The following OBI1 variants were observed in gnomAD, a reference collection of about 807,000 sequenced individuals.
OBI1 encodes the protein ORC ubiquitin ligase 1.
OBI1 carries 59 observed loss-of-function variants against 62.4 expected under a neutral mutation model. That is an observed-to-expected ratio of 0.95 (90% confidence interval 0.77 to 1.17). OBI1 has a LOEUF of 1.17. OBI1 is among the 50% of genes most tolerant of loss of function. OBI1 has a pLI of 0.00. For missense variants in OBI1, 875 were observed against 830.9 expected (o/e 1.05, Z -0.65); for synonymous variants, 302 against 292.8 (o/e 1.03, Z -0.32).
Position 78,638,936 on chromosome 13 carries a change from T to C in OBI1, c.436A>G (p.Thr146Ala). 17 of 1,614,054 alleles carry C rather than the reference T, an allele frequency of 1.1e-5. No individual in the cohort carries two copies. The highest frequency in any genetic ancestry group is 1.4e-5 in the Non-Finnish European group (17 of 1,179,964). Reference sequence around the variant, plus strand: ...GGGTTAATTTTACTTGGATTATCTGTGACTAGATGTTTGTCTTCATTTTGG... The same window carrying C: ...GGGTTAATTTTACTTGGATTATCTGCGACTAGATGTTTGTCTTCATTTTGG... ...GNQNEDKHLV[T>A]DNPSKINPET... is the part of the protein sequence containing the mutation. Residue 146 changes from threonine (T) to alanine (A), a missense_variant, in exon 4 of 6, where the codon ACA becomes GCA. By Grantham distance (58) the Thr-to-Ala change is moderately conservative. Coordinates refer to ENST00000282003, the MANE Select transcript of OBI1 (RefSeq NM_024546.4).
intron 5 of OBI1, among the ~76,000 whole-genome samples, chr13:78,629,277 A>G (rs1431217594): frequency 6.6e-6 from 1 of 152,112 alleles, no homozygotes; most frequent in Non-Finnish European, 1.5e-5. Context: ...CTAAAGACAC[A>G]ATGACAGAAC....
chr13:78,617,773 C>G (rs1405663959), intron 5 of OBI1, among the ~76,000 whole-genome samples: 1 of 152,036 alleles, frequency 6.6e-6, no homozygotes, highest in Non-Finnish European at 1.5e-5. Context: ...TGTGGGACAT[C>G]TATCTCATTT....
At position 78,616,841 on chromosome 13, in the gene OBI1, G is replaced by C; in HGVS notation, c.920C>G (p.Ser307Cys). The C allele has an allele frequency of 6.2e-7, 1 of 1,614,184 alleles. No homozygotes were observed. Among genetic ancestry groups the C allele is most frequent in the Non-Finnish European group, 8.5e-7 (1 of 1,180,022 alleles). Residue 307 changes from serine (S) to cysteine (C), a missense_variant, in exon 6 of 6, where the codon TCC (serine) becomes TGC (cysteine). By Grantham distance (112) the Ser-to-Cys change is moderately radical. Coordinates refer to ENST00000282003, the MANE Select transcript of OBI1 (RefSeq NM_024546.4). ...SARKQPGSSTSSSSHLAKPSS... is the reference protein window; with the variant it reads ...SARKQPGSSTCSSSHLAKPSS... The stretch of plus-strand genomic sequence containing the variant: ...AGGCTTCGCTAGGTGAGAAGAACTG[G>C]AGGTGGATGAGCCAGGCTGCTTTCT...
chr13:78,636,260 G>T (rs968409480), intron 4 of OBI1, among the ~76,000 whole-genome samples: 1 of 152,104 alleles, frequency 6.6e-6, no homozygotes, highest in African/African-American at 2.4e-5. Flanking sequence ...AGTCTTCTTA[G>T]AAGCTACTTC....
At position 78,616,218 on chromosome 13, in the gene OBI1, G is replaced by A. The variant is rs777642340; in HGVS notation, c.1543C>T (p.Arg515Cys). ...LCLSKRLNSI[R>C]SFEMNRTRTS... ...CTTGTCCGGTTCATTTCAAAAGAGC[G>A]AATAGAATTCAACCTTTTGGATAAA... The change falls in exon 6 of 6, where the codon CGC (arginine) becomes TGC (cysteine). Residue 515 changes from arginine (R) to cysteine (C), a missense_variant. Arg to Cys is a radical substitution (Grantham distance 180). Transcript: ENST00000282003. 5.6e-6 allele frequency: 9 copies of A among 1,613,850 alleles called. No homozygotes were observed. Among genetic ancestry groups the A allele is most frequent in the Admixed American group, 1.7e-5 (1 of 59,984 alleles).
In OBI1 at chr13:78,616,299, T is replaced by C. The variant is rs543232979; in HGVS notation, c.1462A>G (p.Ile488Val). The C allele has an allele frequency of 4.3e-6, 7 of 1,614,086 alleles. No homozygotes were observed. In the South Asian group the frequency reaches 5.5e-5, roughly 13 times the overall value. ...GATATTTCTCCAACAGAATTTGCTA[T>C]CGTGTTCCCCTCTGAACTTTCAAAA... ...LDFESSEGNT[I>V]ANSVGEISSK... is the part of the protein sequence containing the mutation. The change falls in exon 6 of 6, where the codon ATA becomes GTA. Residue 488 changes from isoleucine to valine, a missense_variant. Physicochemically the swap from Ile to Val is conservative, Grantham distance 29. Transcript: ENST00000282003.
intron 5 of OBI1, among the ~76,000 whole-genome samples, chr13:78,622,399 G>A (rs901246481): frequency 6.6e-6 from 1 of 152,186 alleles, no homozygotes; most frequent in Non-Finnish European, 1.5e-5. Context: ...GCTTCATAAA[G>A]TAATGGTTGA....
intron 1 of OBI1, among the ~76,000 whole-genome samples, chr13:78,646,484 C>T (rs770812648): frequency 2.0e-5 from 3 of 152,016 alleles, no homozygotes; most frequent in Non-Finnish European, 4.4e-5. Flanking sequence ...AAAAACAGCA[C>T]AGAAAAATGT....
intron 1 of OBI1, among the ~76,000 whole-genome samples, chr13:78,652,897 G>A (rs1356824577): frequency 4.6e-5 from 7 of 152,062 alleles, no homozygotes. Flanking sequence ...CCTGCCCTAG[G>A]GTATATCCCC....
intron 5 of OBI1, among the ~76,000 whole-genome samples, chr13:78,628,816 C>T (rs185883465): frequency 8.6e-5 from 13 of 151,836 alleles, no homozygotes; most frequent in Admixed American, 3.3e-4. Flanking sequence ...TCTTAACCAC[C>T]GTGCTCTGTG....
rs550613447 is a variant in OBI1, at chr13:78,616,277, A to G, written c.1484T>C (p.Ile495Thr). The G allele has an allele frequency of 1.1e-5, 17 of 1,613,862 alleles. No individual in the cohort carries two copies. The South Asian group carries it at 1.8e-4, about 17-fold the overall frequency. ...GNTIANSVGEISSKLSEKSGL... is the reference protein window; with the variant it reads ...GNTIANSVGETSSKLSEKSGL... Reference sequence around the variant, plus strand: ...TGATTTCTCACTCAATTTTGAAGATATTTCTCCAACAGAATTTGCTATCGT... The same window carrying G: ...TGATTTCTCACTCAATTTTGAAGATGTTTCTCCAACAGAATTTGCTATCGT... Residue 495 changes from isoleucine (I) to threonine (T), a missense_variant, in exon 6 of 6, where the codon ATA becomes ACA. Coordinates refer to ENST00000282003, the MANE Select transcript of OBI1 (RefSeq NM_024546.4).
intron 5 of OBI1, among the ~76,000 whole-genome samples, chr13:78,632,061 A>C (rs1023880920): frequency 2.0e-5 from 3 of 152,098 alleles, no homozygotes; most frequent in Non-Finnish European, 4.4e-5. Flanking sequence ...TGATGGACTG[A>C]GCCATGTCCT....
In OBI1 at chr13:78,614,350, A is replaced by C. The variant is rs537327124; in HGVS notation, c.*1230T>G. Reference sequence around the variant, plus strand: ...GAAAAGCATGCAGTATTAATGTAAAACAGTACAATATTAATGTAAAATGTT... The same window carrying C: ...GAAAAGCATGCAGTATTAATGTAAACCAGTACAATATTAATGTAAAATGTT... On this transcript the variant is annotated 3_prime_UTR_variant, in exon 6 of 6. Coordinates refer to ENST00000282003, the MANE Select transcript of OBI1 (RefSeq NM_024546.4). The C allele has an allele frequency of 6.5e-6, 1 of 152,684 alleles. No homozygotes were observed. The highest frequency in any genetic ancestry group is 1.5e-5 in the Non-Finnish European group (1 of 68,052). 9.5% of individuals were successfully genotyped at this position (152,684 alleles called of 1,614,324 possible). A position where few individuals can be genotyped will look rare whatever the true frequency, so the allele number is the denominator to read the frequency against.
chr13:78,635,176 T>G lies in OBI1; in HGVS notation c.572A>C (p.Glu191Ala), dbSNP rs746557892. The change falls in exon 5 of 6, where the codon GAA becomes GCA. Residue 191 changes from glutamate (E) to alanine (A), a missense_variant. Coordinates refer to ENST00000282003, the MANE Select transcript of OBI1 (RefSeq NM_024546.4). ...LKEANKKLKLENGGLVRENLR... is the reference protein window; with the variant it reads ...LKEANKKLKLANGGLVRENLR... ...ATTCTCCCTCACCAGACCACCATTT[T>G]CCAATTTCAATTTTTTATTTGCCTA... 1 of 1,607,062 alleles carries G rather than the reference T, an allele frequency of 6.2e-7. No homozygotes were observed. The highest frequency in any genetic ancestry group is 1.7e-5 in the Admixed American group (1 of 59,192).
At chr13:78,645,421 C>T (rs1876351340) in intron 1 of OBI1, among the ~76,000 whole-genome samples, 1 of 152,206 alleles carries the variant, frequency 6.6e-6, no homozygotes, top group Non-Finnish European at 1.5e-5. Context: ...ATTCATTCCA[C>T]TGTTACAGAA....
rs369532808 is a variant in OBI1 at position 78,634,994 on chromosome 13, T to C, written c.638+116A>G. 2.4e-5 allele frequency: 14 copies of C among 578,094 alleles called. No individual in the cohort carries two copies. The East Asian group carries it at 4.1e-4, about 17-fold the overall frequency. The allele number at this position is 578,094 out of a possible 1,614,324, so 35.8% of individuals were successfully genotyped here. On this transcript the variant is annotated intron_variant, in intron 5 of 5. Coordinates refer to ENST00000282003, the MANE Select transcript of OBI1 (RefSeq NM_024546.4). The stretch of plus-strand genomic sequence containing the variant: ...AAACTTGACTTTTAAAGGCAAGACA[T>C]TCTACCTAAATCTACATGATTAAAT...
At chr13:78,640,279 T>C (rs775128990) in intron 3 of OBI1, among the ~76,000 whole-genome samples, 6 of 152,158 alleles carry the variant, frequency 3.9e-5, no homozygotes, top group Middle Eastern at 3.4e-3. Context: ...CCAAAATCCA[T>C]GGATGTTCAA....
At position 78,616,357 on chromosome 13, in the gene OBI1, G is replaced by C; in HGVS notation, c.1404C>G (p.Asp468Glu). 1 of 1,613,894 alleles carries C rather than the reference G, an allele frequency of 6.2e-7. No homozygotes were observed. Among genetic ancestry groups the C allele is most frequent in the Non-Finnish European group, 8.5e-7 (1 of 1,179,826 alleles). The change falls in exon 6 of 6, where the codon GAC becomes GAG. Residue 468 changes from aspartate to glutamate, a missense_variant. Transcript: ENST00000282003. Reference sequence around the variant, plus strand: ...TTTGGGCATAGCTTGTGGAACAACAGTCCCAAAATCCTGTCTTTGGGGAAG... The same window carrying C: ...TTTGGGCATAGCTTGTGGAACAACACTCCCAAAATCCTGTCTTTGGGGAAG... ...CFSSPKTGFW[D>E]CCSTSYAQNL...
At chr13:78,626,368 C>T (rs1215277226) in intron 5 of OBI1, among the ~76,000 whole-genome samples, 1 of 152,136 alleles carries the variant, frequency 6.6e-6, no homozygotes, top group Non-Finnish European at 1.5e-5. Flanking sequence ...TACAAATACA[C>T]AAATGTGCAT....
Sources: gnomAD v4.1 joint callset for allele counts (sites outside exome capture counted in the v4.1 genomes callset) on GRCh38, gnomAD v4.1.1 for gene constraint, MANE v1.5 for transcripts, NCBI Gene and HGNC (gene_info 2026-07-23, HGNC 2026-07-21) for gene names.